Variants in PNPLA3 observed in about 807,000 individuals in gnomAD.
The protein encoded by PNPLA3 is 1-acylglycerol-3-phosphate O-acyltransferase PNPLA3.
Under a neutral mutation model 43.1 loss-of-function variants are expected in PNPLA3, and 42 were observed. That is an observed-to-expected ratio of 0.97 (90% CI 0.76 to 1.26). The LOEUF is 1.26. PNPLA3 is among the 50% of genes most tolerant of loss of function. The pLI, the probability that PNPLA3 is intolerant of heterozygous loss-of-function variation, is 0.00. For missense variants in PNPLA3, 647 were observed against 621.4 expected (o/e 1.04, Z -0.44); for synonymous variants, 272 against 253.6 (o/e 1.07, Z -0.69).
intron 1 of PNPLA3, among the ~76,000 whole-genome samples, chr22:43,924,538 G>A (rs2049908932): frequency 6.6e-6 from 1 of 152,222 alleles, no homozygotes; most frequent in Admixed American, 6.5e-5. Context: ...GGGCCGATTT[G>A]CCCTGGGCCG....
At chr22:43,935,853 G>A (rs1455259359) in intron 5 of PNPLA3, among the ~76,000 whole-genome samples, 2 of 152,128 alleles carry the variant, frequency 1.3e-5, no homozygotes, top group African/African-American at 4.8e-5. Flanking sequence ...GGAGTGAGGG[G>A]ATCAGAGGAG....
At chr22:43,932,850 G>A (rs4823173) in intron 3 of PNPLA3, 28 bp from the exon 4 acceptor site, 290,787 of 1,603,272 alleles carry the variant, frequency 0.18, 31,374 homozygotes, top group Admixed American at 0.46. Context: ...TTCAGACAGT[G>A]CCAGTCCTTT....
At position 43,923,978 on chromosome 22, in the gene PNPLA3, G is replaced by A. The variant is rs762946007; in HGVS notation, c.67G>A (p.Val23Ile). The A allele has an allele frequency of 4.4e-6, 7 of 1,585,120 alleles. No individual in the cohort carries two copies. In the East Asian group the frequency reaches 1.4e-4, roughly 32 times the overall value. ...AGCGFLGFYH[V>I]GATRCLSEHA... Reference sequence around the variant, plus strand: ...CTGCGGCTTCCTGGGCTTCTACCACGTCGGGGCGACCCGCTGCCTGAGCGA... The same window carrying A: ...CTGCGGCTTCCTGGGCTTCTACCACATCGGGGCGACCCGCTGCCTGAGCGA... The change falls in exon 1 of 9, where the codon GTC becomes ATC. Residue 23 changes from valine to isoleucine, a missense_variant. By Grantham distance (29) the Val-to-Ile change is conservative. Transcript: ENST00000216180.
intron 1 of PNPLA3, among the ~76,000 whole-genome samples, chr22:43,925,654 C>T (rs2049917128): frequency 6.6e-6 from 1 of 152,192 alleles, no homozygotes; most frequent in Non-Finnish European, 1.5e-5. Flanking sequence ...AGGGATTAGA[C>T]AGTCCTGGCT....
Position 43,946,488 on chromosome 22 carries a change from T to G in PNPLA3, c.*106T>G. 2.7e-6 allele frequency: 3 copies of G among 1,121,954 alleles called. No homozygotes were observed. The highest frequency in any genetic ancestry group is 1.9e-5 in the Admixed American group (1 of 52,828). The allele number at this position is 1,121,954 out of a possible 1,614,324, so 69.5% of individuals were successfully genotyped here. A position where few individuals can be genotyped will look rare whatever the true frequency, so the allele number is the denominator to read the frequency against. On this transcript the variant is annotated 3_prime_UTR_variant, in exon 9 of 9. Transcript: ENST00000216180. ...TGTGTAGTGACCCCTGCCTGTGACG[T>G]GGAGGATCCCAGCCTCTGAGCTGAG...
chr22:43,946,320 G>A lies in PNPLA3; in HGVS notation c.1384G>A (p.Val462Ile), dbSNP rs747015303. The change falls in exon 9 of 9, where the codon GTA becomes ATA. Residue 462 changes from valine (V) to isoleucine (I), a missense_variant. By Grantham distance (29) the Val-to-Ile change is conservative. Transcript: ENST00000216180. Reference protein sequence around the residue: ...SSLNFFLGNKVPAGAEGLSTF... With the variant: ...SSLNFFLGNKIPAGAEGLSTF... ...CCTGAACTTCTTCTTGGGCAATAAAGTACCTGCTGGTGCTGAGGGGCTCTC... is the reference window on the plus strand; with the variant it reads ...CCTGAACTTCTTCTTGGGCAATAAAATACCTGCTGGTGCTGAGGGGCTCTC... The A allele has an allele frequency of 1.2e-6, 2 of 1,614,088 alleles. No individual in the cohort carries two copies. The highest frequency in any genetic ancestry group is 1.1e-5 in the South Asian group (1 of 91,086).
At chr22:43,924,652 CTTT>C (rs537111274) in intron 1 of PNPLA3, among the ~76,000 whole-genome samples, 3 of 145,238 alleles carry the variant, frequency 2.1e-5, no homozygotes, top group Non-Finnish European at 1.5e-5. Flanking sequence ...TTCTTTTTTT[CTTT>C]TTTTTTTTTT....
Position 43,923,838 on chromosome 22 carries a change from G to T in PNPLA3, c.-74G>T. On this transcript the variant is annotated 5_prime_UTR_variant, in exon 1 of 9. Transcript: ENST00000216180. Reference sequence around the variant, plus strand: ...CTTGCGGGCGCCGGGCGGAGCTGCTGCGGATCAGGACCCGAGCCGATTCCC... The same window carrying T: ...CTTGCGGGCGCCGGGCGGAGCTGCTTCGGATCAGGACCCGAGCCGATTCCC... The T allele has an allele frequency of 3.7e-6, 5 of 1,368,134 alleles. 1 individual carries two copies. The highest frequency in any genetic ancestry group is 4.7e-6 in the Non-Finnish European group (5 of 1,055,530). 84.7% of individuals were successfully genotyped at this position (1,368,134 alleles called of 1,614,324 possible).
rs2146774215 is a variant in PNPLA3 at position 43,926,984 on chromosome 22, G to T, written c.237G>T (p.Arg79=). 1 of 1,614,220 alleles carries T rather than the reference G, an allele frequency of 6.2e-7. No homozygotes were observed. The highest frequency in any genetic ancestry group is 2.2e-5 in the East Asian group (1 of 44,884). Residue 79 remains arginine, a synonymous_variant, in exon 2 of 9, where the codon CGG becomes CGT. Transcript: ENST00000216180. ...ATCTTGTGCGGAAGGCCAGGAGTCGGAACATTGGCATCTTCCATCCATCCT... is the reference window on the plus strand; with the variant it reads ...ATCTTGTGCGGAAGGCCAGGAGTCGTAACATTGGCATCTTCCATCCATCCT... ...LSDLVRKARS[R]NIGIFHPSFN...
intron 2 of PNPLA3, 128 bp from the exon 3 acceptor site, chr22:43,928,696 A>G (rs2049941292): frequency 2.5e-6 from 1 of 404,628 alleles, no homozygotes; most frequent in African/African-American, 2.1e-5. Flanking sequence ...TGACCCATGG[A>G]TTAACCTACT....
At chr22:43,928,697 TTA>T in intron 2 of PNPLA3, 125 bp from the exon 3 acceptor site, 1 of 407,096 alleles carries the variant, frequency 2.5e-6, no homozygotes, top group Non-Finnish European at 4.8e-6. Context: ...GACCCATGGA[TTA>T]ACCTACTCTG....
Position 43,946,921 on chromosome 22 carries a change from A to G in PNPLA3, c.*539A>G, listed in dbSNP as rs1420673120. ...TCTCCATGGCGGGGGTAACAAGATG[A>G]TAATCTACTTAATTTTAGAACACCT... On this transcript the variant is annotated 3_prime_UTR_variant, in exon 9 of 9. Coordinates refer to ENST00000216180, the MANE Select transcript of PNPLA3 (RefSeq NM_025225.3). 3.1e-6 allele frequency: 1 copy of G among 324,762 alleles called. No homozygotes were observed. The highest frequency in any genetic ancestry group is 6.0e-6 in the Non-Finnish European group (1 of 165,348). 20.1% of individuals were successfully genotyped at this position (324,762 alleles called of 1,614,324 possible). A position where few individuals can be genotyped will look rare whatever the true frequency, so the allele number is the denominator to read the frequency against.
chr22:43,936,046 C>G (rs2049993491), intron 5 of PNPLA3, among the ~76,000 whole-genome samples: 1 of 152,144 alleles, frequency 6.6e-6, no homozygotes, highest in African/African-American at 2.4e-5. Context: ...AAGAGGAAGA[C>G]AGAAGAGCGC....
At position 43,937,232 on chromosome 22, in the gene PNPLA3, T is replaced by A; in HGVS notation, c.939T>A (p.Asp313Glu). ...TGCGTCTCAGCATCCTGCCCTGGGA[T>A]GAGAGCATCCTGGACACCCTCTCGC... ...DHLRLSILPW[D>E]ESILDTLSPR... The change falls in exon 6 of 9, where the codon GAT (aspartate) becomes GAA (glutamate). Residue 313 changes from aspartate to glutamate, a missense_variant. Coordinates refer to ENST00000216180, the MANE Select transcript of PNPLA3 (RefSeq NM_025225.3). 1 of 1,614,100 alleles carries A rather than the reference T, an allele frequency of 6.2e-7. No homozygotes were observed. Among genetic ancestry groups the A allele is most frequent in the South Asian group, 1.1e-5 (1 of 91,086 alleles).
In PNPLA3 at chr22:43,933,071, T is replaced by TC. The variant is rs1381775713; in HGVS notation, c.686dup (p.Asp230GlyfsTer43). On this transcript the variant is annotated frameshift_variant, in exon 4 of 9. Coordinates refer to ENST00000216180, the MANE Select transcript of PNPLA3 (RefSeq NM_025225.3). LOFTEE classifies it high-confidence loss of function. ...CTCTACCTTCTCTCGAGAGCTTTTGTCCCCCCGGATCTCAAGGTGAGTTGG... is the reference window on the plus strand; with the variant it reads ...CTCTACCTTCTCTCGAGAGCTTTTGTCCCCCCCGGATCTCAAGGTGAGTTGG... The TC allele has an allele frequency of 6.2e-7, 1 of 1,613,570 alleles. No homozygotes were observed.
At chr22:43,934,770 A>T (rs1371005856) in intron 5 of PNPLA3, 104 bp downstream of exon 5, 1 of 1,075,102 alleles carries the variant, frequency 9.3e-7, no homozygotes, top group Non-Finnish European at 1.4e-6. Context: ...TTAGTGCCCA[A>T]CGCCTTCCTT....
intron 6 of PNPLA3, among the ~76,000 whole-genome samples, chr22:43,938,550 GGAAATA>G (rs1438832565): frequency 1.3e-5 from 2 of 152,058 alleles, no homozygotes; most frequent in Non-Finnish European, 2.9e-5. Context: ...AGAGAGAGAG[GGAAATA>G]GAGGGAAGGT....
intron 6 of PNPLA3, 73 bp downstream of exon 6, chr22:43,937,345 T>A (rs1350330208): frequency 1.8e-5 from 25 of 1,416,496 alleles, no homozygotes; most frequent in Non-Finnish European, 2.3e-5. Flanking sequence ...AAGATGGTAC[T>A]GCCACATGGG....
chr22:43,943,980 G>A (rs747280184), intron 7 of PNPLA3, among the ~76,000 whole-genome samples: 8 of 151,914 alleles, frequency 5.3e-5, no homozygotes, highest in Non-Finnish European at 1.2e-4. Context: ...GTAGAGGTGG[G>A]GTTTGGCATG....
Sources: gnomAD v4.1 joint callset for allele counts (sites outside exome capture counted in the v4.1 genomes callset) on GRCh38, gnomAD v4.1.1 for gene constraint, MANE v1.5 for transcripts, NCBI Gene and HGNC (gene_info 2026-07-23, HGNC 2026-07-21) for gene names.